Variants in MGAT4C observed in about 807,000 individuals in gnomAD.
MGAT4C encodes the protein alpha-1,3-mannosyl-glycoprotein 4-beta-N-acetylglucosaminyltransferase C.
Under a neutral mutation model 40.1 loss-of-function variants are expected in MGAT4C, and 19 were observed. The ratio of observed to expected loss-of-function variants is 0.47; its 90% CI spans 0.33 to 0.70. The LOEUF is 0.70. Ranked by LOEUF, MGAT4C falls within the 30% of genes least tolerant of loss-of-function variation. The pLI is 0.02. For synonymous variants in MGAT4C, 181 were observed against 187.1 expected (o/e 0.97, Z 0.27); for missense variants, 491 against 563.2 (o/e 0.87, Z 1.30).
chr12:86,000,981 G>A (rs911843832), intron 2 of MGAT4C, among the ~76,000 whole-genome samples: 1 of 151,960 alleles, frequency 6.6e-6, no homozygotes. Flanking sequence ...TTATTCCTGC[G>A]TTTGCACCAT....
chr12:85,987,157 G>A (rs112254612), intron 3 of MGAT4C, among the ~76,000 whole-genome samples: 1 of 90,542 alleles, frequency 1.1e-5, no homozygotes, highest in Non-Finnish European at 2.0e-5. Context: ...TTTTTTTTGA[G>A]ACGGAGTCTC....
chr12:86,723,897 GTAAT>G (rs1950778390), intron 2 of MGAT4C, among the ~76,000 whole-genome samples: 1 of 152,134 alleles, frequency 6.6e-6, no homozygotes, highest in Non-Finnish European at 1.5e-5. Context: ...CAAAAAGCAT[GTAAT>G]TAAACTGTTT....
intron 2 of MGAT4C, among the ~76,000 whole-genome samples, chr12:86,698,430 A>G (rs1042647713): frequency 7.2e-5 from 11 of 151,992 alleles, no homozygotes; most frequent in African/African-American, 2.7e-4. Flanking sequence ...AAATACAAAA[A>G]CATTTGTTAC....
chr12:86,112,126 A>G (rs964045636), intron 1 of MGAT4C, among the ~76,000 whole-genome samples: 1 of 151,802 alleles, frequency 6.6e-6, no homozygotes, highest in Non-Finnish European at 1.5e-5. Context: ...TCTATGCATT[A>G]TTCATACTTG....
At chr12:86,587,923 A>G (rs988178078) in intron 2 of MGAT4C, among the ~76,000 whole-genome samples, 50 of 151,878 alleles carry the variant, frequency 3.3e-4, no homozygotes, top group Admixed American at 3.0e-3. Context: ...CTCTTTTCCT[A>G]ATTGAATACC....
intron 4 of MGAT4C, among the ~76,000 whole-genome samples, chr12:86,292,408 A>G (rs562308036): frequency 8.0e-5 from 12 of 149,628 alleles, no homozygotes; most frequent in African/African-American, 2.7e-4. Context: ...TTTTCAGTCT[A>G]TTATTTAAAG....
At chr12:86,186,661 G>A (rs1207036351) in intron 1 of MGAT4C, among the ~76,000 whole-genome samples, 2 of 152,094 alleles carry the variant, frequency 1.3e-5, no homozygotes, top group Admixed American at 1.3e-4. Flanking sequence ...AGTTGCACAG[G>A]AGAAGCATAC....
intron 2 of MGAT4C, among the ~76,000 whole-genome samples, chr12:86,008,167 T>C (rs1056053759): frequency 6.6e-6 from 1 of 152,064 alleles, no homozygotes; most frequent in Non-Finnish European, 1.5e-5. Flanking sequence ...TAAAAATTTG[T>C]TGAGTCTGTA....
chr12:86,210,764 G>A (rs778737686), intron 1 of MGAT4C, among the ~76,000 whole-genome samples: 8 of 152,130 alleles, frequency 5.3e-5, no homozygotes, highest in African/African-American at 9.7e-5. Context: ...TTTTACTCAA[G>A]AGTGACACAT....
rs1882795109 is a variant in MGAT4C at position 85,956,382 on chromosome 12, T to G, written c.*22907A>C. 1 of 152,196 alleles carries G rather than the reference T, an allele frequency of 6.6e-6. No homozygotes were observed. Among genetic ancestry groups the G allele is most frequent in the African/African-American group, 2.4e-5 (1 of 41,462 alleles). The allele number at this position is 152,196 out of a possible 1,614,324, so 9.4% of individuals were successfully genotyped here. A position where few individuals can be genotyped will look rare whatever the true frequency, so the allele number is the denominator to read the frequency against. The stretch of plus-strand genomic sequence containing the variant: ...TTATGCTAACATGGGAATCTGATTC[T>G]CAATAACTTCGGTGTTTTGTTTGTC... On this transcript the variant is annotated 3_prime_UTR_variant, in exon 5 of 5. Coordinates refer to ENST00000611864, the MANE Select transcript of MGAT4C (RefSeq NM_001351288.2).
At chr12:86,011,970 T>G (rs1888504106) in intron 2 of MGAT4C, 1 of 546,596 alleles carries the variant, frequency 1.8e-6, no homozygotes, top group African/African-American at 2.1e-5. Context: ...CATGTTCAAA[T>G]AACATTTTAT....
intron 2 of MGAT4C, among the ~76,000 whole-genome samples, chr12:86,581,226 G>C (rs1228090207): frequency 6.6e-6 from 1 of 151,412 alleles, no homozygotes; most frequent in African/African-American, 2.4e-5. Flanking sequence ...CTATAACAGA[G>C]ACTAATGTCT....
intron 2 of MGAT4C, among the ~76,000 whole-genome samples, chr12:86,684,717 C>T (rs1371167388): frequency 1.3e-5 from 2 of 152,014 alleles, no homozygotes; most frequent in Non-Finnish European, 2.9e-5. Flanking sequence ...TTTTAATGAT[C>T]GCCATTCTAA....
intron 2 of MGAT4C, chr12:86,599,631 G>T (rs917868547): frequency 2.6e-5 from 4 of 152,060 alleles, no homozygotes; most frequent in Non-Finnish European, 5.9e-5. Context: ...TCACAGCAGG[G>T]TGGTGGGGTG....
chr12:86,122,168 T>G (rs1879474708), intron 1 of MGAT4C, among the ~76,000 whole-genome samples: 1 of 152,164 alleles, frequency 6.6e-6, no homozygotes, highest in South Asian at 2.1e-4. Flanking sequence ...AGTCAATATA[T>G]TTGTAATAAC....
chr12:86,081,221 C>T (rs1169754659), intron 1 of MGAT4C, among the ~76,000 whole-genome samples: 2 of 152,036 alleles, frequency 1.3e-5, no homozygotes, highest in East Asian at 3.9e-4. Flanking sequence ...GAATTTTGCT[C>T]CCAAGATGCA....
chr12:86,340,083 T>C (rs1954877024), intron 3 of MGAT4C, among the ~76,000 whole-genome samples: 1 of 152,212 alleles, frequency 6.6e-6, no homozygotes, highest in Admixed American at 6.5e-5. Flanking sequence ...GAAGTTCTTG[T>C]CCACTAATAT....
At chr12:86,223,935 T>C (rs2135994583) in intron 1 of MGAT4C, among the ~76,000 whole-genome samples, 1 of 152,228 alleles carries the variant, frequency 6.6e-6, no homozygotes, top group East Asian at 1.9e-4. Context: ...GCTCCACCAC[T>C]ACCACAGCCA....
chr12:86,074,881 T>TCTC (rs1454040174), intron 1 of MGAT4C, among the ~76,000 whole-genome samples: 1 of 152,056 alleles, frequency 6.6e-6, no homozygotes, highest in African/African-American at 2.4e-5. Context: ...GATTCAATTA[T>TCTC]CTCCTACCAG....
Sources: allele counts gnomAD v4.1 joint callset (sites outside exome capture counted in the v4.1 genomes callset), GRCh38; gene constraint gnomAD v4.1.1; transcripts MANE v1.5; gene names NCBI Gene and HGNC (gene_info 2026-07-23, HGNC 2026-07-21).